ATXN7L1: variants seen among roughly 807,000 people sequenced by gnomAD.
ATXN7L1 encodes the protein ataxin 7 like 1.
ATXN7L1 carries 15 observed loss-of-function variants against 70.8 expected under a neutral mutation model. That is an observed-to-expected ratio of 0.21 (90% CI 0.14 to 0.33). ATXN7L1 has a LOEUF of 0.33. Ranked by LOEUF, ATXN7L1 falls within the 10% of genes least tolerant of loss-of-function variation. ATXN7L1 has a pLI of 1.00. For synonymous variants in ATXN7L1, 440 were observed against 445.1 expected (o/e 0.99, Z 0.14); for missense variants, 975 against 1,097.1 (o/e 0.89, Z 1.57).
intron 4 of ATXN7L1, among the ~76,000 whole-genome samples, chr7:105,662,019 T>TTTCC (rs1415860628): frequency 1.3e-5 from 1 of 77,940 alleles, no homozygotes. Flanking sequence ...CTTTTCTTTC[T>TTTCC]TTCTTTCTTT....
intron 3 of ATXN7L1, among the ~76,000 whole-genome samples, chr7:105,779,271 T>C (rs1392927613): frequency 6.6e-6 from 1 of 152,250 alleles, no homozygotes; most frequent in East Asian, 1.9e-4. Flanking sequence ...GGTGATGGCA[T>C]GATTAAATAA....
intron 2 of ATXN7L1, among the ~76,000 whole-genome samples, chr7:105,799,853 A>G (rs909940379): frequency 1.3e-5 from 2 of 152,168 alleles, no homozygotes; most frequent in African/African-American, 4.8e-5. Flanking sequence ...CAGATATCCC[A>G]AGGCATTCTC....
intron 3 of ATXN7L1, among the ~76,000 whole-genome samples, chr7:105,677,611 G>A (rs6942982): frequency 0.15 from 22,529 of 152,162 alleles, 2,085 homozygotes; most frequent in African/African-American, 0.27. Flanking sequence ...ACATGTAGAA[G>A]GTGGCTACCA....
chr7:105,610,488 C>T, intron 11 of ATXN7L1, 41 bp downstream of exon 11: 2 of 1,470,542 alleles, frequency 1.4e-6, no homozygotes, highest in Non-Finnish European at 1.9e-6. Context: ...CTGCTGATGA[C>T]CATATGAATT....
At chr7:105,873,431 C>T (rs1455838953) in intron 2 of ATXN7L1, among the ~76,000 whole-genome samples, 2 of 152,102 alleles carry the variant, frequency 1.3e-5, no homozygotes, top group African/African-American at 4.8e-5. Context: ...TTGATCACTC[C>T]AAAAAGAGGG....
chr7:105,852,053 T>TTCCCTGGTA (rs1400772854), intron 2 of ATXN7L1, among the ~76,000 whole-genome samples: 1 of 152,214 alleles, frequency 6.6e-6, no homozygotes, highest in Non-Finnish European at 1.5e-5. Context: ...TCCCTGGCTC[T>TTCCCTGGTA]CAGATTTCTA....
chr7:105,797,398 A>C lies in ATXN7L1; in HGVS notation c.251-8690T>G, dbSNP rs558631548. Among the ~76,000 whole-genome samples the C allele has an allele frequency of 2.3e-4, 35 of 152,320 alleles. 1 individual carries two copies. The South Asian group carries it at 6.8e-3, about 30-fold the overall frequency. On this transcript the variant is annotated intron_variant, in intron 2 of 11. Transcript: ENST00000419735. ...AAGACAGTCTCAGCCCCACTTCCTC[A>C]GGAGAAGGACCTTTAAAGACCAGCA...
At chr7:105,773,795 G>A (rs1188650879) in intron 3 of ATXN7L1, among the ~76,000 whole-genome samples, 2 of 152,164 alleles carry the variant, frequency 1.3e-5, no homozygotes, top group Non-Finnish European at 2.9e-5. Context: ...AGGATGGAAC[G>A]CAGGATCGTG....
chr7:105,714,943 G>A (rs1794360364), intron 3 of ATXN7L1, among the ~76,000 whole-genome samples: 1 of 152,130 alleles, frequency 6.6e-6, no homozygotes, highest in Non-Finnish European at 1.5e-5. Flanking sequence ...TTCTTGCTGT[G>A]GGGCACCAGT....
chr7:105,836,247 A>T (rs1247041656), intron 2 of ATXN7L1, among the ~76,000 whole-genome samples: 3 of 152,196 alleles, frequency 2.0e-5, no homozygotes, highest in African/African-American at 7.2e-5. Flanking sequence ...TGCACAGAAC[A>T]TGGAGGTTTC....
At chr7:105,619,907 C>T (rs1417898890) in intron 9 of ATXN7L1, among the ~76,000 whole-genome samples, 2 of 151,620 alleles carry the variant, frequency 1.3e-5, no homozygotes, top group Non-Finnish European at 2.9e-5. Context: ...TAAAAAGGCC[C>T]TTTAACTTAG....
chr7:105,682,540 A>T (rs901932595), intron 3 of ATXN7L1, among the ~76,000 whole-genome samples: 2 of 152,216 alleles, frequency 1.3e-5, no homozygotes, highest in Non-Finnish European at 2.9e-5. Flanking sequence ...ACGCCCATCC[A>T]TGGATGAGTG....
chr7:105,842,296 A>G (rs777953366), intron 2 of ATXN7L1, among the ~76,000 whole-genome samples: 28 of 152,170 alleles, frequency 1.8e-4, no homozygotes, highest in Non-Finnish European at 3.5e-4. Context: ...GTAATCCTCA[A>G]TGGTGTGTAG....
intron 2 of ATXN7L1, among the ~76,000 whole-genome samples, chr7:105,868,755 T>G (rs1817838806): frequency 6.6e-6 from 1 of 152,138 alleles, no homozygotes; most frequent in Admixed American, 6.5e-5. Context: ...AAAAAATAAG[T>G]AGTTTTAAAA....
At chr7:105,620,093 C>A in intron 9 of ATXN7L1, 107 bp downstream of exon 9, 1 of 1,367,414 alleles carries the variant, frequency 7.3e-7, no homozygotes, top group Non-Finnish European at 1.0e-6. Flanking sequence ...ACTTCAGAAT[C>A]ATTTTGTTCT....
chr7:105,761,421 C>T (rs1193675979), intron 3 of ATXN7L1: 4 of 1,614,076 alleles, frequency 2.5e-6, no homozygotes, highest in Non-Finnish European at 3.4e-6. Flanking sequence ...CTCTGGTCCA[C>T]TCCTGGAGAT....
intron 3 of ATXN7L1, among the ~76,000 whole-genome samples, chr7:105,699,349 C>G (rs1211028885): frequency 6.6e-6 from 1 of 152,032 alleles, no homozygotes; most frequent in Non-Finnish European, 1.5e-5. Flanking sequence ...CCAGGCTGGT[C>G]TCAAACTCCT....
chr7:105,658,523 C>CTTTTT (rs36163594), intron 4 of ATXN7L1, among the ~76,000 whole-genome samples: 5 of 107,422 alleles, frequency 4.7e-5, no homozygotes, highest in African/African-American at 3.8e-5. Flanking sequence ...TGGCACATAA[C>CTTTTT]TTTTTTTTTT....
At chr7:105,816,815 G>A (rs940191461) in intron 2 of ATXN7L1, among the ~76,000 whole-genome samples, 4 of 152,234 alleles carry the variant, frequency 2.6e-5, no homozygotes, top group Non-Finnish European at 5.9e-5. Flanking sequence ...CAGGGAGCAC[G>A]GTGAGATGCA....
Sources: allele counts gnomAD v4.1 joint callset (sites outside exome capture counted in the v4.1 genomes callset), GRCh38; gene constraint gnomAD v4.1.1; transcripts MANE v1.5; gene names NCBI Gene and HGNC (gene_info 2026-07-23, HGNC 2026-07-21).